The following FBXO3 variants were observed in gnomAD, a reference collection of about 807,000 sequenced individuals.
FBXO3 encodes F-box only protein 3.
A neutral mutation model predicts 64.8 loss-of-function variants in FBXO3; 17 were observed. The ratio of observed to expected loss-of-function variants is 0.26; its 90% CI spans 0.18 to 0.39. FBXO3 has a LOEUF of 0.39. FBXO3 is among the 10% of genes least tolerant of loss of function. FBXO3 has a pLI of 1.00. For synonymous variants in FBXO3, 182 were observed against 201.6 expected (o/e 0.90, Z 0.82); for missense variants, 420 against 589.9 (o/e 0.71, Z 2.98).
Position 33,747,296 on chromosome 11 carries a change from C to T in FBXO3, c.1073G>A (p.Gly358Asp). The T allele has an allele frequency of 6.2e-7, 1 of 1,610,936 alleles. No individual in the cohort carries two copies. ...ACAGCTTGTGTATTCATATACCCGA[C>T]CTGGGCTGATGATTGGAAATTCACC... is the stretch of plus-strand genomic sequence containing the variant. ...VVGEFPIISP[G>D]RVYEYTSCTT... is the part of the protein sequence containing the mutation. Residue 358 changes from glycine (G) to aspartate (D), a missense_variant, in exon 10 of 11, where the codon GGT (glycine) becomes GAT (aspartate). Around this residue, in one of 3 missense-constraint regions of FBXO3, gnomAD observed 337 missense variants for 518.4 expected, o/e 0.65. Coordinates refer to ENST00000265651, the MANE Select transcript of FBXO3 (RefSeq NM_012175.4).
chr11:33,756,436 C>T lies in FBXO3; in HGVS notation c.474-461G>A, dbSNP rs572124105. ...GTCCAAAGTTTCAAAAACTTGGATGCCTGGGGTATAGATTAATCTCATTAA... is the reference window on the plus strand; with the variant it reads ...GTCCAAAGTTTCAAAAACTTGGATGTCTGGGGTATAGATTAATCTCATTAA... On this transcript the variant is annotated intron_variant, in intron 4 of 10. Transcript: ENST00000265651. Among the ~76,000 whole-genome samples, 3 of 152,180 alleles carry T rather than the reference C, an allele frequency of 2.0e-5. No homozygotes were observed. The South Asian group carries it at 6.2e-4, about 32-fold the overall frequency.
intron 2 of FBXO3, among the ~76,000 whole-genome samples, chr11:33,769,794 T>C (rs918721111): frequency 2.0e-5 from 3 of 148,776 alleles, no homozygotes; most frequent in Non-Finnish European, 4.4e-5. Flanking sequence ...GATGCTGCTA[T>C]GAAGACTGGG....
At chr11:33,759,976 C>G (rs1855202064) in intron 3 of FBXO3, among the ~76,000 whole-genome samples, 1 of 152,076 alleles carries the variant, frequency 6.6e-6, no homozygotes, top group Non-Finnish European at 1.5e-5. Flanking sequence ...AAACTGGAAG[C>G]CAGGTCAGAA....
intron 2 of FBXO3, among the ~76,000 whole-genome samples, chr11:33,769,864 T>C (rs1855469906): frequency 6.6e-6 from 1 of 150,668 alleles, no homozygotes; most frequent in African/African-American, 2.4e-5. Flanking sequence ...GTTTTTTTTT[T>C]TTTTTTTTTG....
chr11:33,770,866 A>G lies in FBXO3; in HGVS notation c.105-36T>C. ...CCAGATTCACCGATAGTATTTAAAA[A>G]AGTAAGAAAACAATTTAAAAATAAA... On this transcript the variant is annotated intron_variant, in intron 1 of 10. Coordinates refer to ENST00000265651, the MANE Select transcript of FBXO3 (RefSeq NM_012175.4). The G allele has an allele frequency of 2.1e-6, 3 of 1,459,730 alleles. No individual in the cohort carries two copies. In the South Asian group the frequency reaches 3.8e-5, roughly 19 times the overall value. The allele number at this position is 1,459,730 out of a possible 1,614,324, so 90.4% of individuals were successfully genotyped here.
intron 10 of FBXO3, chr11:33,744,155 G>C (rs556048759): frequency 6.6e-6 from 1 of 152,244 alleles, no homozygotes; most frequent in African/African-American, 2.4e-5. Context: ...TTGAAATTCA[G>C]TTAGGAGGTC....
rs147230102 is a variant in FBXO3 at position 33,771,015 on chromosome 11, TTAG to T, written c.105-188_105-186del. 706 of 474,182 alleles carry T rather than the reference TTAG, an allele frequency of 1.5e-3. 3 individuals are homozygous for T. The highest frequency in any genetic ancestry group is 0.012 in the African/African-American group (634 of 51,892). 29.4% of individuals were successfully genotyped at this position (474,182 alleles called of 1,614,324 possible). On this transcript the variant is annotated intron_variant, in intron 1 of 10. Transcript: ENST00000265651. ...CATGTTAAGTAGTATAATTGCCTTGTTAGTAGTGAAACTGAGTTCACAAATAAA... is the reference window on the plus strand; with the variant it reads ...CATGTTAAGTAGTATAATTGCCTTGTTAGTGAAACTGAGTTCACAAATAAA...
rs7938057 is a variant in FBXO3 at position 33,754,451 on chromosome 11, C to G, written c.724+4G>C. ...GGGGGAAAAAAGACTTTTTTCTTTC[C>G]TACCTATAATAAACATGTCAATAGC... On this transcript the variant is annotated splice_donor_region_variant and intron_variant, in intron 6 of 10. Coordinates refer to ENST00000265651, the MANE Select transcript of FBXO3 (RefSeq NM_012175.4). The G allele has an allele frequency of 6.9e-4, 1,082 of 1,573,594 alleles. 5 individuals are homozygous for G. The African/African-American group carries it at 0.013, about 19-fold the overall frequency.
intron 1 of FBXO3, chr11:33,773,172 A>G (rs1405409089): frequency 6.6e-6 from 1 of 152,236 alleles, no homozygotes; most frequent in Non-Finnish European, 1.5e-5. Context: ...CTATAAACAT[A>G]GGGGTGTCAC....
rs1463511837 is a variant in FBXO3, at chr11:33,751,511, A to T, written c.809+12T>A. 3 of 1,566,450 alleles carry T rather than the reference A, an allele frequency of 1.9e-6. No homozygotes were observed. In the African/African-American group the frequency reaches 4.1e-5, roughly 21 times the overall value. The stretch of plus-strand genomic sequence containing the variant: ...CAATCATTTCAATCCAAAAAGACCC[A>T]AAATAAAATACCTGAAAATTTGGTC... On this transcript the variant is annotated intron_variant, in intron 7 of 10. Transcript: ENST00000265651.
Position 33,754,436 on chromosome 11 carries a change from A to G in FBXO3, c.724+19T>C, listed in dbSNP as rs2272065. 610,558 of 1,557,984 alleles carry G rather than the reference A, an allele frequency of 0.39. 122,396 individuals carry two copies. Among genetic ancestry groups the G allele is most frequent in the Middle Eastern group, 0.49 (2,828 of 5,822 alleles). On this transcript the variant is annotated intron_variant, in intron 6 of 10. Coordinates refer to ENST00000265651, the MANE Select transcript of FBXO3 (RefSeq NM_012175.4). ...CAGGAAGAAGAAGAAGGGGGAAAAA[A>G]GACTTTTTTCTTTCCTACCTATAAT...
chr11:33,753,856 T>C (rs1855024742), intron 6 of FBXO3: 1 of 152,230 alleles, frequency 6.6e-6, no homozygotes, highest in African/African-American at 2.4e-5. Context: ...CTCTGGATGA[T>C]CAAAATCCAA....
At chr11:33,763,645 A>AC (rs1418079981) in intron 3 of FBXO3, among the ~76,000 whole-genome samples, 3 of 145,212 alleles carry the variant, frequency 2.1e-5, no homozygotes, top group Non-Finnish European at 4.5e-5. Context: ...AAAAAAAAAA[A>AC]AACCCTACAG....
chr11:33,767,846 G>A (rs1035658410), intron 3 of FBXO3, among the ~76,000 whole-genome samples: 17 of 151,962 alleles, frequency 1.1e-4, no homozygotes, highest in Non-Finnish European at 1.8e-4. Context: ...AGTATTATTC[G>A]TTTCTTCTAA....
chr11:33,756,956 C>T, intron 4 of FBXO3: 1 of 515,838 alleles, frequency 1.9e-6, no homozygotes, highest in Admixed American at 2.0e-5. Context: ...TGGTCTTGAA[C>T]TCCTGACTTC....
At position 33,750,459 on chromosome 11, in the gene FBXO3, T is replaced by A. The variant is rs1249741964; in HGVS notation, c.932+80A>T. 7 of 1,506,820 alleles carry A rather than the reference T, an allele frequency of 4.6e-6. No individual in the cohort carries two copies. The Admixed American group carries it at 7.3e-5, about 16-fold the overall frequency. 93.3% of individuals were successfully genotyped at this position (1,506,820 alleles called of 1,614,324 possible). A position where few individuals can be genotyped will look rare whatever the true frequency, so the allele number is the denominator to read the frequency against. Reference sequence around the variant, plus strand: ...CTTTCAAAATGTGTCTTACATATCATGTCAAATGGGACAATAGCAACATGT... The same window carrying A: ...CTTTCAAAATGTGTCTTACATATCAAGTCAAATGGGACAATAGCAACATGT... On this transcript the variant is annotated intron_variant, in intron 8 of 10. Coordinates refer to ENST00000265651, the MANE Select transcript of FBXO3 (RefSeq NM_012175.4).
chr11:33,749,205 A>G (rs912245539), intron 8 of FBXO3, among the ~76,000 whole-genome samples: 2 of 152,216 alleles, frequency 1.3e-5, no homozygotes, highest in Non-Finnish European at 2.9e-5. Flanking sequence ...ATAAAGATCA[A>G]TTTGGCAAAT....
At chr11:33,764,720 T>C (rs899642720) in intron 3 of FBXO3, among the ~76,000 whole-genome samples, 4 of 152,156 alleles carry the variant, frequency 2.6e-5, no homozygotes, top group Non-Finnish European at 5.9e-5. Flanking sequence ...CCATCTGTAA[T>C]CTCAGCACTT....
intron 1 of FBXO3, chr11:33,772,553 C>T (rs1370197953): frequency 6.6e-6 from 1 of 152,236 alleles, no homozygotes. Context: ...TCAGCAGTCC[C>T]GTCAATCTCT....
Sources: gnomAD v4.1 joint callset for allele counts (sites outside exome capture counted in the v4.1 genomes callset) on GRCh38, gnomAD v4.1.1 for gene constraint, gnomAD v4.1.1 regional missense constraint, MANE v1.5 for transcripts, NCBI Gene and HGNC (gene_info 2026-07-23, HGNC 2026-07-21) for gene names.